Variants in PALLD observed in about 807,000 individuals in gnomAD.
The protein encoded by PALLD is palladin.
A neutral mutation model predicts 123.5 loss-of-function variants in PALLD; 61 were observed. That is an observed-to-expected ratio of 0.49 (90% CI 0.40 to 0.61). The LOEUF (loss-of-function observed/expected upper bound fraction) is 0.61. PALLD is among the 20% of genes least tolerant of loss of function. The pLI is 0.00. For synonymous variants in PALLD, 465 were observed against 496.4 expected, an observed-to-expected ratio of 0.94 and a Z score of 0.84; for missense variants, 1,273 against 1,377.0, an observed-to-expected ratio of 0.92 and a Z score of 1.20.
At chr4:168,661,433 T>A (rs1476416609) in intron 2 of PALLD, among the ~76,000 whole-genome samples, 1 of 152,248 alleles carries the variant, frequency 6.6e-6, no homozygotes, top group African/African-American at 2.4e-5. Flanking sequence ...GATTGATGAA[T>A]GAATGAATGA....
chr4:168,771,272 CT>C (rs904996706), intron 10 of PALLD, among the ~76,000 whole-genome samples: 3 of 152,126 alleles, frequency 2.0e-5, no homozygotes, highest in African/African-American at 7.2e-5. Context: ...TGAATACCCC[CT>C]ACTGCAGAGT....
chr4:168,642,914 A>G (rs2149877967), intron 2 of PALLD, among the ~76,000 whole-genome samples: 1 of 152,344 alleles, frequency 6.6e-6, no homozygotes, highest in East Asian at 1.9e-4. Context: ...TGTCAGGTGT[A>G]TACCTTGCCT....
At chr4:168,797,553 A>G (rs1738688579) in intron 10 of PALLD, among the ~76,000 whole-genome samples, 1 of 152,130 alleles carries the variant, frequency 6.6e-6, no homozygotes, top group East Asian at 1.9e-4. Flanking sequence ...GCCTTACGAA[A>G]AAGAAACTAG....
At chr4:168,632,533 C>T (rs987855017) in intron 2 of PALLD, among the ~76,000 whole-genome samples, 1 of 152,138 alleles carries the variant, frequency 6.6e-6, no homozygotes, top group South Asian at 2.1e-4. Context: ...CACTTGATTG[C>T]AGTTCTTTGT....
intron 8 of PALLD, chr4:168,699,893 CTT>C (rs1263515596): frequency 6.5e-6 from 1 of 153,204 alleles, no homozygotes; most frequent in Non-Finnish European, 1.5e-5. Flanking sequence ...TTATTAATAA[CTT>C]TAAATTTTTC....
chr4:168,707,668 CCA>C (rs1285220553), intron 8 of PALLD, among the ~76,000 whole-genome samples: 1 of 152,150 alleles, frequency 6.6e-6, no homozygotes, highest in Non-Finnish European at 1.5e-5. Flanking sequence ...ATAGACTCTG[CCA>C]CTTTATGAAG....
At chr4:168,509,172 T>C (rs949175349) in intron 1 of PALLD, among the ~76,000 whole-genome samples, 1 of 152,178 alleles carries the variant, frequency 6.6e-6, no homozygotes, top group South Asian at 2.1e-4. Flanking sequence ...TGCATAGATA[T>C]ACAAATGATT....
intron 2 of PALLD, among the ~76,000 whole-genome samples, chr4:168,639,506 A>T (rs908170293): frequency 1.3e-5 from 2 of 148,730 alleles, no homozygotes; most frequent in African/African-American, 5.0e-5. Context: ...AAACCTGTTC[A>T]CTCCTCAATA....
At chr4:168,846,814 C>CA (rs1453155954) in intron 10 of PALLD, among the ~76,000 whole-genome samples, 1 of 152,210 alleles carries the variant, frequency 6.6e-6, no homozygotes, top group Non-Finnish European at 1.5e-5. Context: ...TCACTGGGTA[C>CA]ATGTCCATGG....
chr4:168,790,377 G>A lies in PALLD; in HGVS notation c.1964+78454G>A, dbSNP rs151118659. On this transcript the variant is annotated intron_variant, in intron 10 of 21. Coordinates refer to ENST00000505667, the MANE Select transcript of PALLD (RefSeq NM_001166108.2). ...GGATTTCACCATATTGTCCAGGCTGGTTTCAAACTCCTGACCTCATGATCT... is the reference window on the plus strand; with the variant it reads ...GGATTTCACCATATTGTCCAGGCTGATTTCAAACTCCTGACCTCATGATCT... Among the ~76,000 whole-genome samples the A allele has an allele frequency of 3.4e-3, 510 of 151,114 alleles. 1 individual carries two copies. The highest frequency in any genetic ancestry group is 0.012 in the African/African-American group (491 of 41,218).
At chr4:168,513,571 C>T (rs1336233008) in intron 2 of PALLD, among the ~76,000 whole-genome samples, 2 of 152,154 alleles carry the variant, frequency 1.3e-5, no homozygotes, top group Non-Finnish European at 2.9e-5. Context: ...ATGATACCTA[C>T]ATCATTCTGT....
chr4:168,838,975 A>T (rs1209847210), intron 10 of PALLD, among the ~76,000 whole-genome samples: 1 of 152,116 alleles, frequency 6.6e-6, no homozygotes, highest in Non-Finnish European at 1.5e-5. Flanking sequence ...TGTTTGAGAC[A>T]TGAACTCACT....
rs188211109 is a variant in PALLD at position 168,842,603 on chromosome 4, G to C, written c.1965-48319G>C. The stretch of plus-strand genomic sequence containing the variant: ...CTCTCATTCAGGCCATCCACAGCCA[G>C]CTGCCTTTCCCCAGACAACCTACAT... On this transcript the variant is annotated intron_variant, in intron 10 of 21. Coordinates refer to ENST00000505667, the MANE Select transcript of PALLD (RefSeq NM_001166108.2). Among the ~76,000 whole-genome samples the C allele has an allele frequency of 4.1e-3, 625 of 152,340 alleles. 1 individual carries two copies. The highest frequency in any genetic ancestry group is 6.1e-3 in the Non-Finnish European group (416 of 68,036).
intron 2 of PALLD, among the ~76,000 whole-genome samples, chr4:168,544,514 T>C (rs1295446323): frequency 2.0e-5 from 3 of 152,348 alleles, no homozygotes; most frequent in Non-Finnish European, 2.9e-5. Flanking sequence ...GAGCTTGTTA[T>C]TATAAATAAA....
chr4:168,528,409 T>C (rs950265920), intron 2 of PALLD, among the ~76,000 whole-genome samples: 2 of 152,258 alleles, frequency 1.3e-5, no homozygotes, highest in African/African-American at 4.8e-5. Context: ...AAAAAGACAT[T>C]TGATGTTGTA....
At position 168,921,670 on chromosome 4, in the gene PALLD, C is replaced by T. The variant is rs190961769; in HGVS notation, c.2987C>T (p.Ala996Val). ...LIIEPVTSRD[A>V]GIYTCIATNR... ...ATAGAGCCAGTCACGTCACGTGATG[C>T]CGGCATCTACACATGTATAGCTACC... Residue 996 changes from alanine (A) to valine (V), a missense_variant, in exon 18 of 22, where the codon GCC becomes GTC. Around this residue, in one of 2 missense-constraint regions of PALLD, gnomAD observed 329 missense variants for 422.5 expected, o/e 0.78. Transcript: ENST00000505667. The T allele has an allele frequency of 6.2e-7, 1 of 1,611,192 alleles. No individual in the cohort carries two copies. The highest frequency in any genetic ancestry group is 1.7e-5 in the Admixed American group (1 of 59,778).
chr4:168,585,739 TC>T (rs750993515), intron 2 of PALLD, among the ~76,000 whole-genome samples: 1 of 151,944 alleles, frequency 6.6e-6, no homozygotes, highest in Non-Finnish European at 1.5e-5. Flanking sequence ...GTTGAAAAGC[TC>T]CCCAGCCCAG....
intron 10 of PALLD, among the ~76,000 whole-genome samples, chr4:168,795,041 T>C (rs1184399408): frequency 6.6e-6 from 1 of 152,176 alleles, no homozygotes. Flanking sequence ...CACTGTGTGC[T>C]CATGCGGTGG....
At chr4:168,751,038 G>GT (rs1422727722) in intron 10 of PALLD, among the ~76,000 whole-genome samples, 1 of 150,616 alleles carries the variant, frequency 6.6e-6, no homozygotes, top group Non-Finnish European at 1.5e-5. Flanking sequence ...TTGAGATGGA[G>GT]TTTTGCTATT....
Sources: gnomAD v4.1 joint callset for allele counts (sites outside exome capture counted in the v4.1 genomes callset) on GRCh38, gnomAD v4.1.1 for gene constraint, gnomAD v4.1.1 regional missense constraint, MANE v1.5 for transcripts, NCBI Gene and HGNC (gene_info 2026-07-23, HGNC 2026-07-21) for gene names.